The following AGBL4 variants were observed in gnomAD, a reference collection of about 807,000 sequenced individuals.
AGBL4 encodes AGBL carboxypeptidase 4.
In AGBL4, 58 loss-of-function variants were observed where a neutral mutation model predicts 66.4. The ratio of observed to expected loss-of-function variants is 0.87; its 90% confidence interval spans 0.71 to 1.09. AGBL4 has a LOEUF of 1.09. AGBL4 is among the 50% of genes least tolerant of loss of function. The pLI is 0.00. For missense variants in AGBL4, 579 were observed against 631.0 expected (o/e 0.92, Z 0.88); for synonymous variants, 234 against 222.9 (o/e 1.05, Z -0.44).
intron 3 of AGBL4, among the ~76,000 whole-genome samples, chr1:49,680,049 CTTTTTTT>C (rs61150148): frequency 2.5e-5 from 3 of 118,088 alleles, no homozygotes; most frequent in South Asian, 5.7e-4. Flanking sequence ...TTCTTCTTCC[CTTTTTTT>C]TTTTTTTTTT....
At chr1:49,939,324 A>T (rs1431160861) in intron 1 of AGBL4, among the ~76,000 whole-genome samples, 1 of 151,760 alleles carries the variant, frequency 6.6e-6, no homozygotes, top group Admixed American at 6.6e-5. Flanking sequence ...GCTACCAATG[A>T]CTTTCTTCAC....
At chr1:49,997,471 T>A (rs771680722) in intron 1 of AGBL4, among the ~76,000 whole-genome samples, 2 of 152,156 alleles carry the variant, frequency 1.3e-5, no homozygotes, top group African/African-American at 4.8e-5. Context: ...AGGGACATTA[T>A]ATAACAATGA....
chr1:48,765,220 A>G (rs1644472501), intron 6 of AGBL4, among the ~76,000 whole-genome samples: 1 of 152,244 alleles, frequency 6.6e-6, no homozygotes, highest in Non-Finnish European at 1.5e-5. Flanking sequence ...GGCAGGGCCC[A>G]TATCATAGAA....
At chr1:49,062,472 G>A (rs995476100) in intron 4 of AGBL4, among the ~76,000 whole-genome samples, 24 of 152,268 alleles carry the variant, frequency 1.6e-4, no homozygotes, top group Admixed American at 7.2e-4. Context: ...GCTAATCCAA[G>A]TCTGGTACAT....
chr1:49,751,955 T>G (rs563187785), intron 2 of AGBL4, among the ~76,000 whole-genome samples: 1 of 151,942 alleles, frequency 6.6e-6, no homozygotes, highest in East Asian at 1.9e-4. Context: ...ATTTATTTGA[T>G]TCTTCTCTCT....
chr1:48,779,521 A>G (rs999982673), intron 6 of AGBL4, among the ~76,000 whole-genome samples: 1 of 152,102 alleles, frequency 6.6e-6, no homozygotes, highest in African/African-American at 2.4e-5. Context: ...AGCACTTTTT[A>G]TCTTCCCTCA....
At chr1:49,459,416 T>C (rs1646462436) in intron 3 of AGBL4, among the ~76,000 whole-genome samples, 1 of 151,756 alleles carries the variant, frequency 6.6e-6, no homozygotes, top group Admixed American at 6.6e-5. Flanking sequence ...TAGCCTTTAA[T>C]AATCTTTTTT....
At chr1:49,241,040 A>G (rs995932520) in intron 4 of AGBL4, among the ~76,000 whole-genome samples, 2 of 151,970 alleles carry the variant, frequency 1.3e-5, no homozygotes, top group African/African-American at 4.8e-5. Flanking sequence ...AATTGATTCA[A>G]TCTTCCATTA....
intron 4 of AGBL4, among the ~76,000 whole-genome samples, chr1:49,201,574 ATC>A (rs1041889042): frequency 2.0e-5 from 3 of 152,188 alleles, no homozygotes; most frequent in Non-Finnish European, 2.9e-5. Flanking sequence ...GTGCAAAAAC[ATC>A]TGTGTTCAAC....
At chr1:49,751,630 G>A (rs1281026917) in intron 2 of AGBL4, among the ~76,000 whole-genome samples, 1 of 152,134 alleles carries the variant, frequency 6.6e-6, no homozygotes, top group African/African-American at 2.4e-5. Flanking sequence ...TTGTTCTGTT[G>A]CTTAGAATAG....
At chr1:49,633,716 T>C (rs6680263) in intron 3 of AGBL4, among the ~76,000 whole-genome samples, 3,307 of 151,780 alleles carry the variant, frequency 0.022, 108 homozygotes, top group African/African-American at 0.074. Context: ...GAAATAGTTA[T>C]TTCTTCATGA....
chr1:49,188,161 T>C (rs1159094208), intron 4 of AGBL4, among the ~76,000 whole-genome samples: 2 of 152,126 alleles, frequency 1.3e-5, no homozygotes, highest in African/African-American at 4.8e-5. Context: ...CTCAGGTATG[T>C]CTTTATCAGC....
chr1:48,889,137 C>T (rs1321165934), intron 5 of AGBL4, among the ~76,000 whole-genome samples: 1 of 152,162 alleles, frequency 6.6e-6, no homozygotes, highest in East Asian at 1.9e-4. Flanking sequence ...TGGGAAAGAC[C>T]CACAGCACAA....
chr1:49,123,996 G>A (rs1645715810), intron 4 of AGBL4, among the ~76,000 whole-genome samples: 1 of 152,190 alleles, frequency 6.6e-6, no homozygotes, highest in South Asian at 2.1e-4. Flanking sequence ...TGTACTGATA[G>A]AAGATAGAAG....
chr1:48,647,917 G>T (rs1488886022), intron 8 of AGBL4, among the ~76,000 whole-genome samples: 2 of 152,160 alleles, frequency 1.3e-5, no homozygotes, highest in Non-Finnish European at 2.9e-5. Context: ...GTTGCTTGCA[G>T]CTTCTTGGCT....
chr1:49,897,328 G>A lies in AGBL4; in HGVS notation c.35-45810C>T, dbSNP rs75009643. Among the ~76,000 whole-genome samples, 488 of 151,828 alleles carry A rather than the reference G, an allele frequency of 3.2e-3. 29 individuals are homozygous for A. In the East Asian group the frequency reaches 0.08, roughly 25 times the overall value. Reference sequence around the variant, plus strand: ...TGCCAACTGTGAACAATGTGAAAGAGAAATTTAAAAACTAATCCCATATAC... The same window carrying A: ...TGCCAACTGTGAACAATGTGAAAGAAAAATTTAAAAACTAATCCCATATAC... On this transcript the variant is annotated intron_variant, in intron 1 of 13. Transcript: ENST00000371839.
chr1:48,913,681 T>C (rs1192323612), intron 5 of AGBL4, among the ~76,000 whole-genome samples: 1 of 152,190 alleles, frequency 6.6e-6, no homozygotes, highest in Non-Finnish European at 1.5e-5. Context: ...CTAATTATTA[T>C]GGTAAGTTGT....
At chr1:49,208,362 T>C (rs1648405203) in intron 4 of AGBL4, among the ~76,000 whole-genome samples, 1 of 152,086 alleles carries the variant, frequency 6.6e-6, no homozygotes, top group Non-Finnish European at 1.5e-5. Flanking sequence ...CCTTGCCTGC[T>C]TGGTCTGCCT....
chr1:48,732,019 T>C (rs1648218472), intron 6 of AGBL4, among the ~76,000 whole-genome samples: 1 of 152,086 alleles, frequency 6.6e-6, no homozygotes, highest in African/African-American at 2.4e-5. Flanking sequence ...CAGATGGTTC[T>C]CTCCATATTT....
Sources: gnomAD v4.1 joint callset for allele counts (sites outside exome capture counted in the v4.1 genomes callset) on GRCh38, gnomAD v4.1.1 for gene constraint, MANE v1.5 for transcripts, NCBI Gene and HGNC (gene_info 2026-07-23, HGNC 2026-07-21) for gene names.